FAS: variants seen among roughly 807,000 people sequenced by gnomAD.
FAS encodes Fas cell surface death receptor, also known as tumor necrosis factor receptor superfamily member 6.
A neutral mutation model predicts 33.2 loss-of-function variants in FAS; 5 were observed. That is an observed-to-expected ratio of 0.15 (90% confidence interval 0.08 to 0.32). The LOEUF (loss-of-function observed/expected upper bound fraction) is 0.32. Among genes scored for constraint, FAS ranks in the 10% least tolerant of loss-of-function variants. FAS has a pLI of 1.00. For missense variants in FAS, 339 were observed against 386.0 expected, an observed-to-expected ratio of 0.88 and a Z score of 1.02; for synonymous variants, 131 against 130.7, an observed-to-expected ratio of 1.00 and a Z score of -0.01.
upstream of FAS, among the ~76,000 whole-genome samples, chr10:88,982,962 C>A (rs1197805635): frequency 6.6e-6 from 1 of 152,176 alleles, no homozygotes; most frequent in Non-Finnish European, 1.5e-5. Flanking sequence ...AAGACTCTTG[C>A]TACTTCATGT....
chr10:88,970,152 A>G (rs940143540), intron 1 of FAS, among the ~76,000 whole-genome samples: 2 of 152,118 alleles, frequency 1.3e-5, no homozygotes, highest in South Asian at 2.1e-4. Context: ...ATACCTAAAG[A>G]AAGGTTTTAC....
In FAS at chr10:89,015,320, T is replaced by G. The variant is rs1036714576; in HGVS notation, c.*870T>G. On this transcript the variant is annotated 3_prime_UTR_variant, in exon 9 of 9. Coordinates refer to ENST00000652046, the MANE Select transcript of FAS (RefSeq NM_000043.6). ...AAGACTGCCCTTAGAAATTCTAGCCTGGTTTGGAGATACTAACTGCTCTCA... is the reference window on the plus strand; with the variant it reads ...AAGACTGCCCTTAGAAATTCTAGCCGGGTTTGGAGATACTAACTGCTCTCA... The G allele has an allele frequency of 5.6e-6, 3 of 534,704 alleles. No homozygotes were observed. The highest frequency in any genetic ancestry group is 1.1e-5 in the Non-Finnish European group (3 of 276,606). 33.1% of individuals were successfully genotyped at this position (534,704 alleles called of 1,614,324 possible).
intron 2 of FAS, among the ~76,000 whole-genome samples, chr10:88,979,882 C>CTACAAAGTATATACAAAGTATA (rs1846667470): frequency 1.3e-5 from 2 of 151,474 alleles, no homozygotes; most frequent in East Asian, 3.9e-4. Context: ...TGTAAAGCAC[C>CTACAAAGTATATACAAAGTATA]TACAAAGGCT....
chr10:88,998,170 G>C (rs1400266511), intron 1 of FAS, among the ~76,000 whole-genome samples: 1 of 152,134 alleles, frequency 6.6e-6, no homozygotes, highest in Non-Finnish European at 1.5e-5. Flanking sequence ...AACTGGACTG[G>C]TTCCTTCTGA....
In FAS at chr10:89,003,036, C is replaced by G; in HGVS notation, c.38C>G (p.Thr13Arg). The change falls in exon 2 of 9, where the codon ACG becomes AGG. Residue 13 changes from threonine (T) to arginine (R), a missense_variant. Thr to Arg is a moderately conservative substitution (Grantham distance 71). This residue lies in a region of FAS where 276 missense variants were observed against 300.1 expected (regional missense o/e 0.92). Transcript: ENST00000652046. ...GIWTLLPLVL[T>R]SVARLSSKSV... is the part of the protein sequence containing the mutation. ...CATGCTTTTATTTTACAGGTTCTTA[C>G]GTCTGTTGCTAGATTATCGTCCAAA... is the stretch of plus-strand genomic sequence containing the variant. 1 of 1,614,082 alleles carries G rather than the reference C, an allele frequency of 6.2e-7. No homozygotes were observed. The highest frequency in any genetic ancestry group is 8.5e-7 in the Non-Finnish European group (1 of 1,179,940).
intron 6 of FAS, 86 bp downstream of exon 6, chr10:89,010,901 G>T (rs1287183335): frequency 1.4e-6 from 2 of 1,476,236 alleles, no homozygotes; most frequent in East Asian, 2.3e-5. Context: ...CCTATAAAAA[G>T]CTACCACTTT....
upstream of FAS, among the ~76,000 whole-genome samples, chr10:88,983,981 A>T (rs74938462): frequency 0.14 from 22,004 of 152,010 alleles, 1,927 homozygotes; most frequent in East Asian, 0.42. Flanking sequence ...CTGGACAAAA[A>T]ACTCTTTAGA....
intron 1 of FAS, among the ~76,000 whole-genome samples, chr10:89,000,909 T>C (rs1191494994): frequency 9.0e-6 from 1 of 111,454 alleles, no homozygotes; most frequent in African/African-American, 2.8e-5. Flanking sequence ...TTAGCCGTCA[T>C]AGTGTGCATT....
upstream of FAS, among the ~76,000 whole-genome samples, chr10:88,986,646 T>C (rs1175334892): frequency 7.9e-5 from 12 of 151,584 alleles, 1 homozygote; most frequent in Admixed American, 7.9e-4. Flanking sequence ...AAGGAAGTAG[T>C]ACAGAAAGGA....
chr10:89,000,703 G>A (rs921420480), intron 1 of FAS, among the ~76,000 whole-genome samples: 1 of 152,094 alleles, frequency 6.6e-6, no homozygotes, highest in African/African-American at 2.4e-5. Flanking sequence ...CAGTAGCTGA[G>A]CACAATGGTC....
chr10:88,980,613 A>G (rs1345860225), intron 2 of FAS, among the ~76,000 whole-genome samples: 1 of 152,172 alleles, frequency 6.6e-6, no homozygotes, highest in Non-Finnish European at 1.5e-5. Flanking sequence ...CAAAGTAGGT[A>G]CTCGTAAGTA....
Position 89,010,923 on chromosome 10 carries a change from G to A in FAS, c.568+108G>A. 3 of 1,304,754 alleles carry A rather than the reference G, an allele frequency of 2.3e-6. 1 individual carries two copies. In the South Asian group the frequency reaches 3.6e-5, roughly 15 times the overall value. 80.8% of individuals were successfully genotyped at this position (1,304,754 alleles called of 1,614,324 possible). ...AAAGCTACCACTTTGGTAGATTTAT[G>A]TATTGTTAATTTCTTGCCCCTGAAT... On this transcript the variant is annotated intron_variant, in intron 6 of 8. Coordinates refer to ENST00000652046, the MANE Select transcript of FAS (RefSeq NM_000043.6).
upstream of FAS, among the ~76,000 whole-genome samples, chr10:88,988,416 GTTTTTTTT>G (rs748275082): frequency 4.8e-4 from 6 of 12,482 alleles, no homozygotes; most frequent in East Asian, 5.6e-3. Flanking sequence ...AGATGTAGAA[GTTTTTTTT>G]TTTTTTTGTT....
chr10:88,969,080 C>A (rs1268432951), intron 1 of FAS, among the ~76,000 whole-genome samples: 1 of 151,966 alleles, frequency 6.6e-6, no homozygotes, highest in Non-Finnish European at 1.5e-5. Context: ...TGTATTACAA[C>A]TTTGTGTTTT....
chr10:89,009,003 T>C lies in FAS; in HGVS notation c.443+6T>C. 6.2e-7 allele frequency: 1 copy of C among 1,604,726 alleles called. No individual in the cohort carries two copies. Among genetic ancestry groups the C allele is most frequent in the Non-Finnish European group, 8.5e-7 (1 of 1,171,490 alleles). On this transcript the variant is annotated splice_donor_region_variant and intron_variant, in intron 4 of 8. Transcript: ENST00000652046. ...CACTGTGACCCTTGCACCAAGTAAG[T>C]TTTAGTCTTTCTCTGATTAAAACAC...
intron 1 of FAS, among the ~76,000 whole-genome samples, chr10:88,971,985 T>C (rs764035097): frequency 6.6e-6 from 1 of 151,930 alleles, no homozygotes; most frequent in Admixed American, 6.6e-5. Flanking sequence ...CTCAGCTCAC[T>C]GCAACTTCTG....
intron 1 of FAS, chr10:88,991,181 G>C (rs1220907492): frequency 1.7e-6 from 1 of 577,670 alleles, no homozygotes; most frequent in Non-Finnish European, 3.1e-6. Context: ...CAGCTCCGGC[G>C]CTCCTCGGAG....
chr10:88,981,695 C>T (rs756393305), intron 2 of FAS, among the ~76,000 whole-genome samples: 1 of 152,016 alleles, frequency 6.6e-6, no homozygotes, highest in Non-Finnish European at 1.5e-5. Context: ...GAGAGAGAGG[C>T]TGGATGGGGG....
chr10:88,974,262 A>G (rs1399866824), intron 2 of FAS: 1 of 152,160 alleles, frequency 6.6e-6, no homozygotes, highest in Non-Finnish European at 1.5e-5. Flanking sequence ...AAAAAAAAAA[A>G]ATCAGGCTCT....
Sources: gnomAD v4.1 joint callset for allele counts (sites outside exome capture counted in the v4.1 genomes callset) on GRCh38, gnomAD v4.1.1 for gene constraint, gnomAD v4.1.1 regional missense constraint, MANE v1.5 for transcripts, NCBI Gene and HGNC (gene_info 2026-07-23, HGNC 2026-07-21) for gene names.